The following PCDH10 variants were observed in gnomAD, a reference collection of about 807,000 sequenced individuals.
PCDH10 encodes protocadherin-10.
Under a neutral mutation model 74.4 loss-of-function variants are expected in PCDH10, and 15 were observed. The ratio of observed to expected loss-of-function variants is 0.20; its 90% CI spans 0.13 to 0.31. The LOEUF (loss-of-function observed/expected upper bound fraction) is 0.31, where lower values mean the gene tolerates loss of function less well. Among genes scored for constraint, PCDH10 ranks in the 10% least tolerant of loss-of-function variants. The pLI is 1.00. For missense variants in PCDH10, 1,260 were observed against 1,390.2 expected (o/e 0.91, Z 1.49); for synonymous variants, 619 against 589.8 (o/e 1.05, Z -0.72).
intron 4 of PCDH10, among the ~76,000 whole-genome samples, chr4:133,166,491 G>A (rs900578441): frequency 4.6e-5 from 7 of 151,440 alleles, no homozygotes; most frequent in Admixed American, 2.6e-4. Flanking sequence ...AAATGGCACA[G>A]TAAGTTATGT....
At chr4:133,202,309 A>C (rs2125877997) in intron 2 of PCDH10, among the ~76,000 whole-genome samples, 1 of 152,300 alleles carries the variant, frequency 6.6e-6, no homozygotes, top group South Asian at 2.1e-4. Context: ...TTTGCCAGTT[A>C]GTAGCTTAAA....
At chr4:133,198,213 G>C (rs374580489), downstream of PCDH10, among the ~76,000 whole-genome samples, 10 of 151,978 alleles carry the variant, frequency 6.6e-5, no homozygotes, top group African/African-American at 2.2e-4. Flanking sequence ...TTAACATTGC[G>C]TGAAAACCAC....
Position 133,151,982 on chromosome 4 carries a change from C to T in PCDH10, c.1842C>T (p.Ala614=), listed in dbSNP as rs375835524. Reference sequence around the variant, plus strand: ...TGGACGCGGACGACGGCGAGAACGCCCGGCTCACTTACAGCATCGTGCGTG... The same window carrying T: ...TGGACGCGGACGACGGCGAGAACGCTCGGCTCACTTACAGCATCGTGCGTG... ...AAVDADDGEN[A]RLTYSIVRGN... The change falls in exon 1 of 5, where the codon GCC becomes GCT. Residue 614 remains alanine (A), a synonymous_variant. Coordinates refer to ENST00000264360, the MANE Select transcript of PCDH10 (RefSeq NM_032961.3). 1.2e-6 allele frequency: 2 copies of T among 1,612,564 alleles called. No homozygotes were observed. The highest frequency in any genetic ancestry group is 1.3e-5 in the African/African-American group (1 of 74,936).
chr4:133,170,031 A>G (rs1727170772), intron 4 of PCDH10, among the ~76,000 whole-genome samples: 1 of 152,054 alleles, frequency 6.6e-6, no homozygotes. Context: ...ATTGAGTTTC[A>G]ATAAGACTTC....
rs114161365 is a variant in PCDH10, at chr4:133,164,575, A to G, written c.3103+1293A>G. 5.9e-3 allele frequency among the ~76,000 whole-genome samples: 896 copies of G among 152,000 alleles called. 13 individuals carry two copies. The highest frequency in any genetic ancestry group is 0.02 in the African/African-American group (842 of 41,534). Reference sequence around the variant, plus strand: ...TACAAATATTTGCTTTTACCATATAATAACAGGTAAATCTACTTCAAATAT... The same window carrying G: ...TACAAATATTTGCTTTTACCATATAGTAACAGGTAAATCTACTTCAAATAT... On this transcript the variant is annotated intron_variant, in intron 4 of 4. Transcript: ENST00000264360.
chr4:133,157,747 T>C (rs758080862), intron 3 of PCDH10, among the ~76,000 whole-genome samples: 7 of 152,162 alleles, frequency 4.6e-5, no homozygotes, highest in Non-Finnish European at 7.3e-5. Context: ...TTAACATTAT[T>C]CTGTATTATT....
rs1727670127 is a variant in PCDH10 at position 133,191,591 on chromosome 4, T to G, written c.*1431T>G. On this transcript the variant is annotated 3_prime_UTR_variant, in exon 5 of 5. Transcript: ENST00000264360. ...TAGTAAGACGCACTTTCCTTTCTTT[T>G]ATATATTTTTTCTACTGTTGTGTAT... 6.6e-6 allele frequency: 1 copy of G among 152,256 alleles called. No individual in the cohort carries two copies. The highest frequency in any genetic ancestry group is 2.1e-4 in the South Asian group (1 of 4,822). 9.4% of individuals were successfully genotyped at this position (152,256 alleles called of 1,614,324 possible). A position where few individuals can be genotyped will look rare whatever the true frequency, so the allele number is the denominator to read the frequency against.
Position 133,163,894 on chromosome 4 carries a change from CAG to C in PCDH10, c.3103+615_3103+616del, listed in dbSNP as rs374638423. The C allele has an allele frequency of 2.1e-4, 92 of 438,162 alleles. 1 individual carries two copies. The highest frequency in any genetic ancestry group is 1.4e-3 in the African/African-American group (69 of 48,858). The allele number at this position is 438,162 out of a possible 1,614,324, so 27.1% of individuals were successfully genotyped here. A position where few individuals can be genotyped will look rare whatever the true frequency, so the allele number is the denominator to read the frequency against. ...TTTTTAAAAACTTAAAGGAAAAAAA[CAG>C]AGGAATATTTATTTTAGCCTTTATG... On this transcript the variant is annotated intron_variant, in intron 4 of 4. Transcript: ENST00000264360.
intron 3 of PCDH10, among the ~76,000 whole-genome samples, chr4:133,155,415 T>C (rs1000782232): frequency 6.6e-6 from 1 of 152,204 alleles, no homozygotes; most frequent in Non-Finnish European, 1.5e-5. Context: ...TTGATTGACC[T>C]GCACAAGGTC....
downstream of PCDH10, among the ~76,000 whole-genome samples, chr4:133,199,647 AT>A (rs1302639922): frequency 6.6e-6 from 1 of 151,316 alleles, no homozygotes; most frequent in Non-Finnish European, 1.5e-5. Context: ...TCTGCAAAAA[AT>A]ATCTTATTTG....
chr4:133,153,401 A>G (rs1726786782), intron 1 of PCDH10: 1 of 254,154 alleles, frequency 3.9e-6, no homozygotes, highest in Admixed American at 6.4e-5. Flanking sequence ...GTGAATTTGA[A>G]TGAAGCTGCG....
rs56976487 is a variant in PCDH10 at position 133,162,959 on chromosome 4, T to A, written c.2798-18T>A. On this transcript the variant is annotated intron_variant, in intron 3 of 4. Coordinates refer to ENST00000264360, the MANE Select transcript of PCDH10 (RefSeq NM_032961.3). ...GTTGGTGAAGACTACATCCGTAGTT[T>A]CTGTTTTCTGCTTACAGGTATGGAT... 7.9e-4 allele frequency: 1,266 copies of A among 1,593,974 alleles called. 7 individuals are homozygous for A. In the African/African-American group the frequency reaches 0.014, roughly 17 times the overall value.
chr4:133,204,455 CTT>C (rs1727963995), intron 2 of PCDH10, among the ~76,000 whole-genome samples: 4 of 152,166 alleles, frequency 2.6e-5, no homozygotes, highest in Non-Finnish European at 5.9e-5. Flanking sequence ...GTTGTCACTA[CTT>C]TTATGGGCAG....
intron 4 of PCDH10, among the ~76,000 whole-genome samples, chr4:133,181,257 TAAC>T (rs1304780643): frequency 6.6e-6 from 1 of 152,056 alleles, no homozygotes; most frequent in African/African-American, 2.4e-5. Context: ...AATTAGTCAT[TAAC>T]TAAAAATTTA....
chr4:133,204,821 G>T (rs1272632931), intron 2 of PCDH10, among the ~76,000 whole-genome samples: 1 of 152,110 alleles, frequency 6.6e-6, no homozygotes, highest in Non-Finnish European at 1.5e-5. Context: ...CTGGACACTG[G>T]ACAAATGGCA....
intron 4 of PCDH10, among the ~76,000 whole-genome samples, chr4:133,169,503 T>C (rs938231789): frequency 1.3e-5 from 2 of 151,890 alleles, no homozygotes; most frequent in African/African-American, 2.4e-5. Flanking sequence ...CGTATTAACA[T>C]TATTTATATA....
rs1414341703 is a variant in PCDH10, at chr4:133,151,773, G to T, written c.1633G>T (p.Ala545Ser). The T allele has an allele frequency of 1.9e-6, 3 of 1,612,994 alleles. No individual in the cohort carries two copies. Among genetic ancestry groups the T allele is most frequent in the Non-Finnish European group, 2.5e-6 (3 of 1,180,056 alleles). The change falls in exon 1 of 5, where the codon GCC becomes TCC. Residue 545 changes from alanine to serine, a missense_variant. Around this residue, in one of 11 missense-constraint regions of PCDH10, gnomAD observed 587 missense variants for 616.9 expected, o/e 0.95. Transcript: ENST00000264360. ...QLKDFSFQVE[A>S]RDAGSPQALA... Reference sequence around the variant, plus strand: ...GAAGGACTTCAGTTTTCAGGTGGAAGCCCGGGACGCTGGCAGCCCCCAGGC... The same window carrying T: ...GAAGGACTTCAGTTTTCAGGTGGAATCCCGGGACGCTGGCAGCCCCCAGGC...
chr4:133,152,098 C>A lies in PCDH10; in HGVS notation c.1958C>A (p.Pro653His). Residue 653 changes from proline (P) to histidine (H), a missense_variant, in exon 1 of 5, where the codon CCT (proline) becomes CAT (histidine). By Grantham distance (77) the Pro-to-His change is moderately conservative. This residue lies in a region of PCDH10 where 587 missense variants were observed against 616.9 expected (regional missense o/e 0.95). Coordinates refer to ENST00000264360, the MANE Select transcript of PCDH10 (RefSeq NM_032961.3). ...CCGGCCAAGCGCGACCCCCAGCGGC[C>A]TTATGAGCTGGTGATCGAGGTGCGC... ...RVPAKRDPQR[P>H]YELVIEVRDH... The A allele has an allele frequency of 6.3e-7, 1 of 1,587,126 alleles. No homozygotes were observed. The highest frequency in any genetic ancestry group is 8.6e-7 in the Non-Finnish European group (1 of 1,167,020).
At chr4:133,204,767 G>A (rs1166577892) in intron 2 of PCDH10, among the ~76,000 whole-genome samples, 1 of 152,124 alleles carries the variant, frequency 6.6e-6, no homozygotes. Flanking sequence ...TATTGGTGAG[G>A]GAGGGATTCC....
Sources: allele counts gnomAD v4.1 joint callset (sites outside exome capture counted in the v4.1 genomes callset), GRCh38; gene constraint gnomAD v4.1.1; regional missense constraint gnomAD v4.1.1; transcripts MANE v1.5; gene names NCBI Gene and HGNC (gene_info 2026-07-23, HGNC 2026-07-21).